RAPGEF6: variants seen among roughly 807,000 people sequenced by gnomAD.
The protein encoded by RAPGEF6 is Rap guanine nucleotide exchange factor 6, also known as PDZ domain containing guanine nucleotide exchange factor (GEF) 2.
Under a neutral mutation model 171.4 loss-of-function variants are expected in RAPGEF6, and 56 were observed. The observed-to-expected ratio is 0.33, with a 90% CI of 0.26 to 0.41. The LOEUF (loss-of-function observed/expected upper bound fraction) is 0.41. Among genes scored for constraint, RAPGEF6 ranks in the 10% least tolerant of loss-of-function variants. The pLI, the probability that RAPGEF6 is intolerant of heterozygous loss-of-function variation, is 1.00. For missense variants in RAPGEF6, 1,674 were observed against 1,921.4 expected (o/e 0.87, Z 2.41); for synonymous variants, 692 against 650.1 (o/e 1.06, Z -0.98).
intron 16 of RAPGEF6, among the ~76,000 whole-genome samples, chr5:131,477,171 A>AT (rs1561494650): frequency 1.3e-5 from 2 of 152,224 alleles, no homozygotes; most frequent in Non-Finnish European, 2.9e-5. Flanking sequence ...GTCAAGAAAT[A>AT]TAAGATACAT....
At chr5:131,601,209 C>A (rs997533686) in intron 3 of RAPGEF6, among the ~76,000 whole-genome samples, 3 of 151,394 alleles carry the variant, frequency 2.0e-5, no homozygotes, top group South Asian at 2.1e-4. Context: ...CATGGTGAAA[C>A]CCCATCTCTA....
At chr5:131,584,730 A>G (rs898598857) in intron 4 of RAPGEF6, among the ~76,000 whole-genome samples, 1 of 152,226 alleles carries the variant, frequency 6.6e-6, no homozygotes, top group African/African-American at 2.4e-5. Context: ...CCTGCTAACC[A>G]GTCCTGTGGC....
rs1006083808 is a variant in RAPGEF6 at position 131,446,692 on chromosome 5, T to G, written c.3212A>C (p.Gln1071Pro). ...AMMFRQRSLSQGSTNSNMLDV... is the reference protein window; with the variant it reads ...AMMFRQRSLSPGSTNSNMLDV... ...CAGCATGTTTGAATTTGTGCTTCCT[T>G]GACTCAGTGACCTATAAGAAGATGA... Residue 1071 changes from glutamine (Q) to proline (P), a missense_variant, in exon 22 of 28, where the codon CAA becomes CCA. By Grantham distance (76) the Gln-to-Pro change is moderately conservative. Around this residue, in one of 3 missense-constraint regions of RAPGEF6, gnomAD observed 1,116 missense variants for 1,321.5 expected, o/e 0.84. Coordinates refer to ENST00000509018, the MANE Select transcript of RAPGEF6 (RefSeq NM_016340.6). 3.8e-5 allele frequency: 61 copies of G among 1,613,690 alleles called. No individual in the cohort carries two copies. The East Asian group carries it at 1.4e-3, about 36-fold the overall frequency.
At chr5:131,481,870 A>T (rs1390783430) in intron 15 of RAPGEF6, among the ~76,000 whole-genome samples, 1 of 152,178 alleles carries the variant, frequency 6.6e-6, no homozygotes, top group Non-Finnish European at 1.5e-5. Context: ...TATATGCTGC[A>T]CCTTTTTTTA....
In RAPGEF6 at chr5:131,495,564, G is replaced by T; in HGVS notation, c.1516C>A (p.Leu506Met). Residue 506 changes from leucine to methionine, a missense_variant, in exon 13 of 28, where the codon CTG becomes ATG. Leu to Met is a conservative substitution (Grantham distance 15, BLOSUM62 2). Around this residue, in one of 3 missense-constraint regions of RAPGEF6, gnomAD observed 1,116 missense variants for 1,321.5 expected, o/e 0.84. Coordinates refer to ENST00000509018, the MANE Select transcript of RAPGEF6 (RefSeq NM_016340.6). ...ATTTTGAGCCTTACTGTATCTTCCA[G>T]ATTTTTTTCAAATTCCTCTAGAAAT... ...TRFLEEFEKN[L>M]EDTKMNGHLR... 2 of 1,613,478 alleles carry T rather than the reference G, an allele frequency of 1.2e-6. No individual in the cohort carries two copies. Among genetic ancestry groups the T allele is most frequent in the Non-Finnish European group, 1.7e-6 (2 of 1,179,538 alleles).
chr5:131,629,460 T>C (rs148355275), intron 1 of RAPGEF6, among the ~76,000 whole-genome samples: 2 of 151,284 alleles, frequency 1.3e-5, no homozygotes, highest in Admixed American at 1.3e-4. Flanking sequence ...GTGGTAGAAA[T>C]AGCAAGAGAA....
chr5:131,502,705 G>C (rs766632823), intron 11 of RAPGEF6, among the ~76,000 whole-genome samples: 1 of 152,202 alleles, frequency 6.6e-6, no homozygotes, highest in Non-Finnish European at 1.5e-5. Flanking sequence ...ACAACTAAAT[G>C]CAACTGTGTT....
At chr5:131,570,942 CTTTTTTTTTT>C (rs767023216) in intron 4 of RAPGEF6, among the ~76,000 whole-genome samples, 1 of 128,562 alleles carries the variant, frequency 7.8e-6, no homozygotes, top group African/African-American at 3.0e-5. Flanking sequence ...TCCCCAACTA[CTTTTTTTTTT>C]TTTTTTTTTT....
chr5:131,594,957 T>A (rs918522625), intron 3 of RAPGEF6, among the ~76,000 whole-genome samples: 1 of 152,214 alleles, frequency 6.6e-6, no homozygotes, highest in Non-Finnish European at 1.5e-5. Flanking sequence ...GGACTTCCCA[T>A]GTCTCAGATG....
At chr5:131,555,427 C>CAT (rs3058502) in intron 5 of RAPGEF6, among the ~76,000 whole-genome samples, 118,297 of 151,560 alleles carry the variant, frequency 0.78, 46,503 homozygotes, top group African/African-American at 0.84. Context: ...AAAAAATAGT[C>CAT]GTGTCAATGC....
chr5:131,433,290 A>G, intron 25 of RAPGEF6, 140 bp downstream of exon 25: 1 of 670,134 alleles, frequency 1.5e-6, no homozygotes, highest in Non-Finnish European at 2.6e-6. Flanking sequence ...AGAATAGAGA[A>G]TATGTGCTTG....
intron 12 of RAPGEF6, among the ~76,000 whole-genome samples, chr5:131,498,115 G>A (rs565663272): frequency 9.2e-5 from 14 of 152,172 alleles, no homozygotes; most frequent in Middle Eastern, 3.4e-3. Flanking sequence ...TATTAAATCC[G>A]TTTTAAAATG....
chr5:131,557,516 TCA>T (rs1761313212), intron 5 of RAPGEF6, among the ~76,000 whole-genome samples: 1 of 152,186 alleles, frequency 6.6e-6, no homozygotes, highest in African/African-American at 2.4e-5. Flanking sequence ...CATCTGTAAA[TCA>T]CAGTTTTATA....
intron 1 of RAPGEF6, among the ~76,000 whole-genome samples, chr5:131,630,055 G>T (rs6887348): frequency 0.074 from 11,210 of 152,212 alleles, 840 homozygotes; most frequent in African/African-American, 0.19. Flanking sequence ...TAGGTAAAAT[G>T]CTATCAAACA....
chr5:131,594,386 T>G (rs1763766653), intron 3 of RAPGEF6, among the ~76,000 whole-genome samples: 1 of 152,234 alleles, frequency 6.6e-6, no homozygotes, highest in African/African-American at 2.4e-5. Context: ...TTTGGGAATC[T>G]CTGCCCAGAT....
At chr5:131,586,489 G>A (rs1763264104) in intron 4 of RAPGEF6, among the ~76,000 whole-genome samples, 1 of 152,096 alleles carries the variant, frequency 6.6e-6, no homozygotes, top group Non-Finnish European at 1.5e-5. Context: ...AATTTAGTTG[G>A]GCGTGGTGTC....
chr5:131,601,155 G>A (rs1313938950), intron 3 of RAPGEF6, among the ~76,000 whole-genome samples: 7 of 151,176 alleles, frequency 4.6e-5, no homozygotes, highest in Admixed American at 6.6e-5. Flanking sequence ...AGGCCGAGGC[G>A]GGTGGATCAC....
At chr5:131,533,017 AAG>A (rs140823894) in intron 6 of RAPGEF6, 2,370 of 152,764 alleles carry the variant, frequency 0.016, 30 homozygotes, top group Middle Eastern at 0.1. Flanking sequence ...GCTCTGCAGT[AAG>A]ATGAAATATC....
chr5:131,599,105 G>A (rs1280585685), intron 3 of RAPGEF6, among the ~76,000 whole-genome samples: 2 of 152,198 alleles, frequency 1.3e-5, no homozygotes, highest in Middle Eastern at 3.2e-3. Context: ...GATGCCAGGA[G>A]TTTGAGACCA....
Sources: allele counts gnomAD v4.1 joint callset (sites outside exome capture counted in the v4.1 genomes callset), GRCh38; gene constraint gnomAD v4.1.1; regional missense constraint gnomAD v4.1.1; transcripts MANE v1.5; gene names NCBI Gene and HGNC (gene_info 2026-07-23, HGNC 2026-07-21).